The following PPP4R4 variants were observed in gnomAD, a reference collection of about 807,000 sequenced individuals.
The protein encoded by PPP4R4 is serine/threonine-protein phosphatase 4 regulatory subunit 4.
Under a neutral mutation model 121.8 loss-of-function variants are expected in PPP4R4, and 70 were observed. The ratio of observed to expected loss-of-function variants is 0.57; its 90% confidence interval spans 0.47 to 0.70. The LOEUF (loss-of-function observed/expected upper bound fraction) is 0.70, where lower values mean the gene tolerates loss of function less well. Ranked by LOEUF, PPP4R4 falls within the 30% of genes least tolerant of loss-of-function variation. PPP4R4 has a pLI of 0.00. For synonymous variants in PPP4R4, 348 were observed against 355.7 expected (o/e 0.98, Z 0.24); for missense variants, 875 against 1,033.6 (o/e 0.85, Z 2.10).
At chr14:94,264,822 A>G (rs924323821) in intron 19 of PPP4R4, 56 bp from the exon 20 acceptor site, 12 of 1,334,378 alleles carry the variant, frequency 9.0e-6, no homozygotes, top group South Asian at 5.1e-5. Flanking sequence ...TCTCAGAACA[A>G]TTTTCTAGAC....
intron 2 of PPP4R4, among the ~76,000 whole-genome samples, chr14:94,201,017 TA>T (rs1308811433): frequency 2.0e-5 from 3 of 152,188 alleles, no homozygotes; most frequent in Non-Finnish European, 4.4e-5. Context: ...GTGATTTTGG[TA>T]AGTTGTGTCA....
intron 8 of PPP4R4, among the ~76,000 whole-genome samples, chr14:94,238,884 A>G (rs953617097): frequency 6.6e-6 from 1 of 152,234 alleles, no homozygotes; most frequent in African/African-American, 2.4e-5. Context: ...GTAAAACTGC[A>G]GTACATGATA....
chr14:94,242,730 A>G (rs1892698463), intron 11 of PPP4R4, among the ~76,000 whole-genome samples: 2 of 152,152 alleles, frequency 1.3e-5, no homozygotes, highest in South Asian at 4.1e-4. Flanking sequence ...GCTTTATAAT[A>G]TTTACAGTTA....
At chr14:94,233,907 AT>A in intron 6 of PPP4R4, 148 bp downstream of exon 6, 1 of 612,228 alleles carries the variant, frequency 1.6e-6, no homozygotes, top group East Asian at 3.2e-5. Flanking sequence ...CTCATGACGA[AT>A]TTACTTATTC....
chr14:94,196,465 C>T (rs758231135), intron 2 of PPP4R4, among the ~76,000 whole-genome samples: 1 of 151,820 alleles, frequency 6.6e-6, no homozygotes, highest in Non-Finnish European at 1.5e-5. Flanking sequence ...AGATGTTTGC[C>T]ACCACACCCA....
chr14:94,176,387 CT>C lies in PPP4R4; in HGVS notation c.191+267del, dbSNP rs201932911. Among the ~76,000 whole-genome samples the C allele has an allele frequency of 9.8e-3, 1,493 of 152,186 alleles. 12 individuals are homozygous for C. The highest frequency in any genetic ancestry group is 0.015 in the Non-Finnish European group (989 of 68,002). On this transcript the variant is annotated intron_variant, in intron 2 of 24. Coordinates refer to ENST00000304338, the MANE Select transcript of PPP4R4 (RefSeq NM_058237.2). ...CAGATGGTTGGAGTTGAACCTCATC[CT>C]TTTTTTCTTTTCTGGCTTTGGTTTT...
chr14:94,205,203 A>C (rs530779345), intron 2 of PPP4R4, among the ~76,000 whole-genome samples: 2 of 152,222 alleles, frequency 1.3e-5, no homozygotes, highest in South Asian at 2.1e-4. Flanking sequence ...AGACTTTGAA[A>C]ATATTAATTC....
chr14:94,196,366 G>A (rs1889877568), intron 2 of PPP4R4, among the ~76,000 whole-genome samples: 1 of 133,756 alleles, frequency 7.5e-6, no homozygotes, highest in Admixed American at 8.3e-5. Flanking sequence ...AGGCTGGAGT[G>A]CAGTGGCACA....
intron 14 of PPP4R4, among the ~76,000 whole-genome samples, chr14:94,246,749 A>G (rs1225056170): frequency 5.9e-5 from 9 of 152,052 alleles, no homozygotes; most frequent in Non-Finnish European, 7.4e-5. Context: ...CTCTAGCTGG[A>G]GAGAGGAACG....
chr14:94,272,066 T>C (rs954130162), intron 23 of PPP4R4, among the ~76,000 whole-genome samples: 1 of 152,238 alleles, frequency 6.6e-6, no homozygotes, highest in African/African-American at 2.4e-5. Flanking sequence ...ATACTCAATA[T>C]TGTCAAGACG....
In PPP4R4 at chr14:94,240,809, TAAGAATTTTGAGACTGTAGA is replaced by T; in HGVS notation, c.976+15_976+34del. 1 of 1,495,100 alleles carries T rather than the reference TAAGAATTTTGAGACTGTAGA, an allele frequency of 6.7e-7. No homozygotes were observed. The highest frequency in any genetic ancestry group is 8.9e-7 in the Non-Finnish European group (1 of 1,127,716). 92.6% of individuals were successfully genotyped at this position (1,495,100 alleles called of 1,614,324 possible). A position where few individuals can be genotyped will look rare whatever the true frequency, so the allele number is the denominator to read the frequency against. ...ATGGACTATATGGTATGATATATCC[TAAGAATTTTGAGACTGTAGA>T]TAATTTTTCCCTTTTTTTTCTACCT... On this transcript the variant is annotated intron_variant, in intron 9 of 24. Transcript: ENST00000304338.
rs146546930 is a variant in PPP4R4 at position 94,214,064 on chromosome 14, G to A, written c.294+5498G>A. 3.1e-3 allele frequency among the ~76,000 whole-genome samples: 474 copies of A among 152,058 alleles called. 4 individuals are homozygous for A. The highest frequency in any genetic ancestry group is 0.011 in the African/African-American group (457 of 41,456). On this transcript the variant is annotated intron_variant, in intron 3 of 24. Coordinates refer to ENST00000304338, the MANE Select transcript of PPP4R4 (RefSeq NM_058237.2). ...CAGTCTAGTTTCTCACTATACCCCC[G>A]GAACCTAGAATAGTGCCTGGCAGAT...
intron 23 of PPP4R4, among the ~76,000 whole-genome samples, chr14:94,270,381 AT>A (rs1894260058): frequency 6.6e-6 from 1 of 152,206 alleles, no homozygotes; most frequent in Admixed American, 6.5e-5. Context: ...TTATAAGCTG[AT>A]TCTAAAAATC....
chr14:94,192,536 C>T (rs12433898), intron 2 of PPP4R4, among the ~76,000 whole-genome samples: 14,152 of 152,156 alleles, frequency 0.093, 808 homozygotes, highest in South Asian at 0.16. Flanking sequence ...CAAAGCAAGG[C>T]TTTGTGGCAT....
At chr14:94,217,005 C>T (rs897953399) in intron 3 of PPP4R4, among the ~76,000 whole-genome samples, 1 of 152,068 alleles carries the variant, frequency 6.6e-6, no homozygotes, top group African/African-American at 2.4e-5. Context: ...GTCCCCCTCC[C>T]GCACCCCAAG....
At chr14:94,246,671 G>A (rs919154529) in intron 14 of PPP4R4, 132 bp downstream of exon 14, 18 of 996,356 alleles carry the variant, frequency 1.8e-5, no homozygotes, top group Admixed American at 5.8e-5. Flanking sequence ...TGTCAGCTTC[G>A]TAGGTCCAGA....
chr14:94,187,494 C>T (rs1205034507), intron 2 of PPP4R4, among the ~76,000 whole-genome samples: 3 of 152,108 alleles, frequency 2.0e-5, no homozygotes, highest in Non-Finnish European at 4.4e-5. Flanking sequence ...TCCTATATAT[C>T]TTCCACCAGT....
chr14:94,264,946 A>G lies in PPP4R4; in HGVS notation c.2196A>G (p.Lys732=), dbSNP rs147600869. 6.3e-7 allele frequency: 1 copy of G among 1,589,242 alleles called. No homozygotes were observed. The highest frequency in any genetic ancestry group is 8.6e-7 in the Non-Finnish European group (1 of 1,169,130). Residue 732 remains lysine (K), a splice_region_variant and synonymous_variant, in exon 20 of 25, where the codon AAA becomes AAG. Transcript: ENST00000304338. ...RPMSDKMFEK[K]RRDTKTPTQS... ...TGAGTGATAAAATGTTTGAAAAGAA[A>G]CGTAAGTAGTTTTTCTATGTCTTCA...
At position 94,266,971 on chromosome 14, in the gene PPP4R4, A is replaced by G. The variant is rs778259627; in HGVS notation, c.2391A>G (p.Thr797=). 8.2e-6 allele frequency: 13 copies of G among 1,585,352 alleles called. No homozygotes were observed. The highest frequency in any genetic ancestry group is 3.4e-5 in the Admixed American group (2 of 58,418). The change falls in exon 23 of 25, where the codon ACA becomes ACG. Residue 797 remains threonine (T), a synonymous_variant. Coordinates refer to ENST00000304338, the MANE Select transcript of PPP4R4 (RefSeq NM_058237.2). ...TGTTGTTTTCTAGTAAAAGTTCTACAACAGGATATACAACTTCTGTCTCAG... is the reference window on the plus strand; with the variant it reads ...TGTTGTTTTCTAGTAAAAGTTCTACGACAGGATATACAACTTCTGTCTCAG... ...NLEKCASKSS[T]TGYTTSVSGL...
Sources: gnomAD v4.1 joint callset for allele counts (sites outside exome capture counted in the v4.1 genomes callset) on GRCh38, gnomAD v4.1.1 for gene constraint, MANE v1.5 for transcripts, NCBI Gene and HGNC (gene_info 2026-07-23, HGNC 2026-07-21) for gene names.